XXYLT1: variants seen among roughly 807,000 people sequenced by gnomAD.
The protein encoded by XXYLT1 is UDP-xylose:alpha-xyloside alpha-1,3-xylosyltransferase.
In XXYLT1, 20 loss-of-function variants were observed where a neutral mutation model predicts 28.9. The observed-to-expected ratio is 0.69, with a 90% CI of 0.49 to 1.00. The LOEUF (loss-of-function observed/expected upper bound fraction) is 1.00, where lower values mean the gene tolerates loss of function less well. Ranked by LOEUF, XXYLT1 falls within the 50% of genes least tolerant of loss-of-function variation. The probability of loss-of-function intolerance (pLI) is 0.00; values close to 1 mark genes in which losing one functional copy is unlikely to be tolerated. For synonymous variants in XXYLT1, 257 were observed against 253.8 expected (o/e 1.01, Z -0.12); for missense variants, 542 against 560.1 (o/e 0.97, Z 0.33).
At chr3:195,082,313 C>T (rs1715479600) in intron 3 of XXYLT1, among the ~76,000 whole-genome samples, 1 of 152,160 alleles carries the variant, frequency 6.6e-6, no homozygotes, top group Admixed American at 6.5e-5. Context: ...GGTGATGAGT[C>T]TCAGGCGTTT....
intron 3 of XXYLT1, among the ~76,000 whole-genome samples, chr3:195,145,097 T>A (rs1719762724): frequency 6.6e-6 from 1 of 152,236 alleles, no homozygotes; most frequent in African/African-American, 2.4e-5. Context: ...GCTAGAATTA[T>A]CCTGCTTTCT....
chr3:195,109,572 G>T (rs1209546297), intron 3 of XXYLT1, among the ~76,000 whole-genome samples: 2 of 135,650 alleles, frequency 1.5e-5, no homozygotes, highest in East Asian at 2.1e-4. Flanking sequence ...GGTGTGTGTG[G>T]TTGTGTGGCA....
At chr3:195,254,587 C>A (rs1485805034) in intron 1 of XXYLT1, among the ~76,000 whole-genome samples, 1 of 152,256 alleles carries the variant, frequency 6.6e-6, no homozygotes, top group Non-Finnish European at 1.5e-5. Context: ...AGGCAACAGG[C>A]TCGCAAGGCC....
rs1470134415 is a variant in XXYLT1, at chr3:195,175,510, CT to C, written c.653-18930del. ...CAATGAGTTCTGTGTTGCATGTTGA[CT>C]TTGCTGCACCCATGGGCTGTTCAGA... On this transcript the variant is annotated intron_variant, in intron 2 of 3. Transcript: ENST00000310380. 7 of 1,443,154 alleles carry C rather than the reference CT, an allele frequency of 4.9e-6. No individual in the cohort carries two copies. In the East Asian group the frequency reaches 1.6e-4, roughly 33 times the overall value. The allele number at this position is 1,443,154 out of a possible 1,614,324, so 89.4% of individuals were successfully genotyped here.
rs1323570540 is a variant in XXYLT1, at chr3:195,270,867, G to C, written c.192C>G (p.Ala64=). The C allele has an allele frequency of 2.1e-6, 3 of 1,410,534 alleles. No individual in the cohort carries two copies. Among genetic ancestry groups the C allele is most frequent in the African/African-American group, 1.5e-5 (1 of 65,874 alleles). 87.4% of individuals were successfully genotyped at this position (1,410,534 alleles called of 1,614,324 possible). The change falls in exon 1 of 4, where the codon GCC becomes GCG. Residue 64 remains alanine, a synonymous_variant. Coordinates refer to ENST00000310380, the MANE Select transcript of XXYLT1 (RefSeq NM_152531.5). The part of the protein sequence containing the change: ...RLKEARAGAP[A]APSPPALELA... Reference sequence around the variant, plus strand: ...GCTCCAGCGCGGGCGGCGAGGGCGCGGCGGGAGCCCCGGCGCGGGCCTCCT... The same window carrying C: ...GCTCCAGCGCGGGCGGCGAGGGCGCCGCGGGAGCCCCGGCGCGGGCCTCCT...
intron 3 of XXYLT1, among the ~76,000 whole-genome samples, chr3:195,073,008 C>T (rs1207540473): frequency 6.6e-6 from 1 of 152,166 alleles, no homozygotes; most frequent in African/African-American, 2.4e-5. Flanking sequence ...GCGTGGGTCA[C>T]GAAGCCCTCT....
At chr3:195,265,796 G>A (rs1038126652) in intron 1 of XXYLT1, among the ~76,000 whole-genome samples, 33 of 152,198 alleles carry the variant, frequency 2.2e-4, no homozygotes, top group African/African-American at 7.5e-4. Context: ...CGAAGACAGC[G>A]CCACCCTCAG....
In XXYLT1 at chr3:195,268,197, A is replaced by G. The variant is rs374383144; in HGVS notation, c.504+2358T>C. On this transcript the variant is annotated intron_variant, in intron 1 of 3. Transcript: ENST00000310380. The stretch of plus-strand genomic sequence containing the variant: ...GTAATTCCAGCACTTTGAGAGGCCA[A>G]GGTGGGTGGATCACCTGAGGTCAGG... Among the ~76,000 whole-genome samples, 8 of 152,290 alleles carry G rather than the reference A, an allele frequency of 5.3e-5. 1 individual carries two copies. In the South Asian group the frequency reaches 8.3e-4, roughly 16 times the overall value.
chr3:195,077,229 G>T lies in XXYLT1; in HGVS notation c.786-7118C>A, dbSNP rs527768867. On this transcript the variant is annotated intron_variant, in intron 3 of 3. Transcript: ENST00000310380. This position sits in a 1 kb window ranked among gnomAD's most constrained non-coding sequence, Gnocchi z 4.8. Reference sequence around the variant, plus strand: ...GGAAGGGAAAAGCAGAGGGATGGGAGATGATGTAGGGGGCGGCACGGGGAC... The same window carrying T: ...GGAAGGGAAAAGCAGAGGGATGGGATATGATGTAGGGGGCGGCACGGGGAC... Among the ~76,000 whole-genome samples the T allele has an allele frequency of 6.6e-6, 1 of 152,194 alleles. No individual in the cohort carries two copies. The highest frequency in any genetic ancestry group is 1.9e-4 in the East Asian group (1 of 5,190).
At position 195,150,860 on chromosome 3, in the gene XXYLT1, A is replaced by G. The variant is rs111598187; in HGVS notation, c.785+5589T>C. Among the ~76,000 whole-genome samples the G allele has an allele frequency of 3.1e-4, 27 of 86,952 alleles. No individual in the cohort carries two copies. Among genetic ancestry groups the G allele is most frequent in the African/African-American group, 1.4e-3 (25 of 17,868 alleles). 57.0% of individuals were successfully genotyped at this position (86,952 alleles called of 152,430 possible). On this transcript the variant is annotated intron_variant, in intron 3 of 3. Coordinates refer to ENST00000310380, the MANE Select transcript of XXYLT1 (RefSeq NM_152531.5). This position sits in a 1 kb window ranked among gnomAD's most constrained non-coding sequence, Gnocchi z 4.7. ...CACACTCTCTCACACACTCTCACACACACACACACTCTCTCCCTCTCCCTC... is the reference window on the plus strand; with the variant it reads ...CACACTCTCTCACACACTCTCACACGCACACACACTCTCTCCCTCTCCCTC...
chr3:195,069,520 C>A lies in XXYLT1; in HGVS notation c.*195G>T. 1 of 709,528 alleles carries A rather than the reference C, an allele frequency of 1.4e-6. No homozygotes were observed. Among genetic ancestry groups the A allele is most frequent in the South Asian group, 2.0e-5 (1 of 49,440 alleles). The allele number at this position is 709,528 out of a possible 1,614,324, so 44.0% of individuals were successfully genotyped here. ...CCCTGGAGGAATAAGGTCCCAAGCA[C>A]CAGCAGTGCACAGGCCAGTCCTTGG... On this transcript the variant is annotated 3_prime_UTR_variant, in exon 4 of 4. Coordinates refer to ENST00000310380, the MANE Select transcript of XXYLT1 (RefSeq NM_152531.5).
In XXYLT1 at chr3:195,076,410, G is replaced by A. The variant is rs934250211; in HGVS notation, c.786-6299C>T. Among the ~76,000 whole-genome samples, 7 of 151,632 alleles carry A rather than the reference G, an allele frequency of 4.6e-5. No homozygotes were observed. The East Asian group carries it at 5.9e-4, about 13-fold the overall frequency. On this transcript the variant is annotated intron_variant, in intron 3 of 3. Transcript: ENST00000310380. This position sits in a 1 kb window ranked among gnomAD's most constrained non-coding sequence, Gnocchi z 5.3. Reference sequence around the variant, plus strand: ...TCTGAGTCGTTTTGAATTATGTCACGCAGGGGCCTTCGGTGGGAGGAGGGA... The same window carrying A: ...TCTGAGTCGTTTTGAATTATGTCACACAGGGGCCTTCGGTGGGAGGAGGGA...
At chr3:195,122,232 C>T in intron 3 of XXYLT1, 1 of 699,746 alleles carries the variant, frequency 1.4e-6, no homozygotes, top group Non-Finnish European at 2.6e-6. Context: ...CCTCCTGATA[C>T]CATCACACTG....
intron 3 of XXYLT1, among the ~76,000 whole-genome samples, chr3:195,108,910 G>A (rs115533235): frequency 0.011 from 1,746 of 152,232 alleles, 24 homozygotes; most frequent in African/African-American, 0.038. Context: ...GTAACGTCAC[G>A]TCCCACACAG....
Position 195,146,529 on chromosome 3 carries a change from C to T in XXYLT1, c.785+9920G>A, listed in dbSNP as rs1298082379. ...TCTCTCTACTGCATAGCCAAACCCT[C>T]GGCAAATGCCTGCCCAGTGAGCTTT... On this transcript the variant is annotated intron_variant, in intron 3 of 3. Coordinates refer to ENST00000310380, the MANE Select transcript of XXYLT1 (RefSeq NM_152531.5). Among the ~76,000 whole-genome samples, 4 of 152,232 alleles carry T rather than the reference C, an allele frequency of 2.6e-5. No homozygotes were observed. The South Asian group carries it at 6.2e-4, about 24-fold the overall frequency.
intron 3 of XXYLT1, among the ~76,000 whole-genome samples, chr3:195,143,876 A>ATATAGATATATATATC (rs1719681424): frequency 8.9e-6 from 1 of 111,826 alleles, no homozygotes; most frequent in African/African-American, 4.1e-5. Context: ...ATATAGATAT[A>ATATAGATATATATATC]TATATATATA....
intron 3 of XXYLT1, among the ~76,000 whole-genome samples, chr3:195,097,704 G>A (rs1716526861): frequency 6.6e-6 from 1 of 152,136 alleles, no homozygotes; most frequent in Non-Finnish European, 1.5e-5. Flanking sequence ...AGCACCCTGT[G>A]AACAGTCGCC....
intron 3 of XXYLT1, among the ~76,000 whole-genome samples, chr3:195,091,314 A>C: frequency 9.1e-6 from 1 of 109,536 alleles, no homozygotes; most frequent in Non-Finnish European, 1.8e-5. Flanking sequence ...CAGCACATCA[A>C]AAAGCTTATT....
chr3:195,247,241 T>G (rs1195519620), intron 1 of XXYLT1, among the ~76,000 whole-genome samples: 1 of 152,192 alleles, frequency 6.6e-6, no homozygotes, highest in Admixed American at 6.5e-5. Context: ...TTCCAGGATT[T>G]CACTGTGAAA....
Sources: allele counts gnomAD v4.1 joint callset (sites outside exome capture counted in the v4.1 genomes callset), GRCh38; gene constraint gnomAD v4.1.1; non-coding constraint Gnocchi (gnomAD v3.1); transcripts MANE v1.5; gene names NCBI Gene and HGNC (gene_info 2026-07-23, HGNC 2026-07-21).